Variants in SLC28A2 observed in about 807,000 individuals in gnomAD.
SLC28A2 encodes sodium/nucleoside cotransporter 2.
Under a neutral mutation model 72.9 loss-of-function variants are expected in SLC28A2, and 69 were observed. The ratio of observed to expected loss-of-function variants is 0.95; its 90% CI spans 0.78 to 1.16. The LOEUF is 1.16. Among genes scored for constraint, SLC28A2 ranks in the 50% most tolerant of loss-of-function variants. SLC28A2 has a pLI of 0.00. For synonymous variants in SLC28A2, 296 were observed against 294.1 expected (o/e 1.01, Z -0.07); for missense variants, 745 against 791.1 (o/e 0.94, Z 0.70).
chr15:45,264,817 A>T, intron 7 of SLC28A2, 49 bp downstream of exon 7: 1 of 1,169,384 alleles, frequency 8.6e-7, no homozygotes, highest in Admixed American at 1.7e-5. Context: ...ACCCTAGAGA[A>T]AGGAGATTTG....
At chr15:45,271,950 A>G in intron 15 of SLC28A2, 1 of 218,882 alleles carries the variant, frequency 4.6e-6, no homozygotes, top group Non-Finnish European at 9.0e-6. Flanking sequence ...TCCAGGCTTA[A>G]GAGTGCGTAT....
intron 7 of SLC28A2, 69 bp from the exon 8 acceptor site, chr15:45,265,020 G>A: frequency 3.2e-6 from 4 of 1,253,606 alleles, no homozygotes; most frequent in South Asian, 1.2e-5. Context: ...CATGGGGCTG[G>A]TCTCGTCTTC....
chr15:45,266,257 A>G, intron 10 of SLC28A2, 96 bp downstream of exon 10: 1 of 902,370 alleles, frequency 1.1e-6, no homozygotes, highest in East Asian at 2.4e-5. Context: ...AGTCAAATAA[A>G]TGAAGACTGT....
intron 7 of SLC28A2, 137 bp downstream of exon 7, chr15:45,264,905 T>C: frequency 9.6e-6 from 7 of 731,112 alleles, no homozygotes; most frequent in Non-Finnish European, 1.4e-5. Flanking sequence ...GAGAGTGTAC[T>C]AGGATACAGC....
chr15:45,264,269 C>T (rs1348306376), intron 6 of SLC28A2, among the ~76,000 whole-genome samples: 1 of 151,936 alleles, frequency 6.6e-6, no homozygotes, highest in Non-Finnish European at 1.5e-5. Context: ...TTTTGCGAAT[C>T]TAGGCCAGTG....
chr15:45,265,066 T>A (rs1567059488), intron 7 of SLC28A2, 23 bp from the exon 8 acceptor site: 1 of 1,571,000 alleles, frequency 6.4e-7, no homozygotes, highest in Non-Finnish European at 8.8e-7. Context: ...TTATTCTCTG[T>A]CTTTTTCTTT....
At chr15:45,274,573 G>A (rs118092385) in intron 17 of SLC28A2, among the ~76,000 whole-genome samples, 1 of 152,274 alleles carries the variant, frequency 6.6e-6, no homozygotes, top group East Asian at 1.9e-4. Flanking sequence ...AGATATTCAG[G>A]TGCTGGCTGC....
At chr15:45,263,792 GGAGT>G (rs1242092741) in intron 5 of SLC28A2, 85 bp from the exon 6 acceptor site, 1 of 1,347,214 alleles carries the variant, frequency 7.4e-7, no homozygotes, top group Non-Finnish European at 1.0e-6. Context: ...TCACAGGCCA[GGAGT>G]GAGAGAATAA....
Position 45,274,744 on chromosome 15 carries a change from CTT to C in SLC28A2, c.1860-651_1860-650del, listed in dbSNP as rs368652640. ...TCATTGCTCTGGCATCGTTTTGATT[CTT>C]CTTTTTTTTTTTTTTTGAGACACAG... is the stretch of plus-strand genomic sequence containing the variant. On this transcript the variant is annotated intron_variant, in intron 17 of 17. Coordinates refer to ENST00000347644, the MANE Select transcript of SLC28A2 (RefSeq NM_004212.4). 3.2e-3 allele frequency among the ~76,000 whole-genome samples: 467 copies of C among 144,634 alleles called. 1 individual carries two copies. The highest frequency in any genetic ancestry group is 0.012 in the African/African-American group (442 of 35,620). 94.9% of individuals were successfully genotyped at this position (144,634 alleles called of 152,430 possible).
In SLC28A2 at chr15:45,253,288, G is replaced by C. The variant is rs1899861054; in HGVS notation, c.73G>C (p.Glu25Gln). Residue 25 changes from glutamate to glutamine, a missense_variant, in exon 2 of 18, where the codon GAG becomes CAG. Coordinates refer to ENST00000347644, the MANE Select transcript of SLC28A2 (RefSeq NM_004212.4). ...GACTGGCACAGTGAACCCGGGGCTGGAGCTCATGGTAATCACCAGTTTAGT... is the reference window on the plus strand; with the variant it reads ...GACTGGCACAGTGAACCCGGGGCTGCAGCTCATGGTAATCACCAGTTTAGT... ...VETGTVNPGL[E>Q]LMEKEVEPEG... 4 of 1,612,286 alleles carry C rather than the reference G, an allele frequency of 2.5e-6. No individual in the cohort carries two copies. The highest frequency in any genetic ancestry group is 3.4e-6 in the Non-Finnish European group (4 of 1,178,358).
In SLC28A2 at chr15:45,277,517, T is replaced by C. The variant is rs1307253801; in HGVS notation, c.*2004T>C. 1 of 151,284 alleles carries C rather than the reference T, an allele frequency of 6.6e-6. No homozygotes were observed. Among genetic ancestry groups the C allele is most frequent in the Non-Finnish European group, 1.5e-5 (1 of 67,858 alleles). The allele number at this position is 151,284 out of a possible 1,614,324, so 9.4% of individuals were successfully genotyped here. A position where few individuals can be genotyped will look rare whatever the true frequency, so the allele number is the denominator to read the frequency against. Reference sequence around the variant, plus strand: ...AAAAAAGAAGTACTGATTTATGCTATGTAGAGGCACCCCGAAAACATGCTA... The same window carrying C: ...AAAAAAGAAGTACTGATTTATGCTACGTAGAGGCACCCCGAAAACATGCTA... On this transcript the variant is annotated 3_prime_UTR_variant, in exon 18 of 18. Coordinates refer to ENST00000347644, the MANE Select transcript of SLC28A2 (RefSeq NM_004212.4).
At chr15:45,265,197 G>C (rs755119348) in intron 8 of SLC28A2, 31 bp downstream of exon 8, 31 of 1,343,740 alleles carry the variant, frequency 2.3e-5, no homozygotes, top group Non-Finnish European at 3.3e-5. Flanking sequence ...AGGAATGATG[G>C]TCTATGGAGG....
rs1168139896 is a variant in SLC28A2, at chr15:45,275,671, C to T, written c.*158C>T. The T allele has an allele frequency of 4.7e-6, 3 of 638,602 alleles. No individual in the cohort carries two copies. Among genetic ancestry groups the T allele is most frequent in the African/African-American group, 3.7e-5 (2 of 54,782 alleles). 39.6% of individuals were successfully genotyped at this position (638,602 alleles called of 1,614,324 possible). A position where few individuals can be genotyped will look rare whatever the true frequency, so the allele number is the denominator to read the frequency against. On this transcript the variant is annotated 3_prime_UTR_variant, in exon 18 of 18. Coordinates refer to ENST00000347644, the MANE Select transcript of SLC28A2 (RefSeq NM_004212.4). ...TCATTTTGGGCCGGGCTCAGTGGCTCATGCCTGTAATCCCAGCACTTTGGG... is the reference window on the plus strand; with the variant it reads ...TCATTTTGGGCCGGGCTCAGTGGCTTATGCCTGTAATCCCAGCACTTTGGG...
At position 45,269,363 on chromosome 15, in the gene SLC28A2, C is replaced by T; in HGVS notation, c.1394C>T (p.Pro465Leu). The T allele has an allele frequency of 6.2e-7, 1 of 1,613,924 alleles. No individual in the cohort carries two copies. Among genetic ancestry groups the T allele is most frequent in the Non-Finnish European group, 8.5e-7 (1 of 1,179,944 alleles). Residue 465 changes from proline (P) to leucine (L), a missense_variant, in exon 14 of 18, where the codon CCC (proline) becomes CTC (leucine). Pro to Leu is a moderately conservative substitution (Grantham distance 98, BLOSUM62 -3). Transcript: ENST00000347644. ...GTCATCTGCTCCTATCTCCTAAGGC[C>T]CATGGTTTTCATGATGGGTGTAGAG... is the stretch of plus-strand genomic sequence containing the variant. Reference protein sequence around the residue: ...FQVICSYLLRPMVFMMGVEWT... With the variant: ...FQVICSYLLRLMVFMMGVEWT...
At chr15:45,254,354 T>G (rs1194033104) in intron 3 of SLC28A2, among the ~76,000 whole-genome samples, 2 of 152,200 alleles carry the variant, frequency 1.3e-5, no homozygotes, top group Non-Finnish European at 2.9e-5. Flanking sequence ...ACGGTGTATA[T>G]CATTACACAA....
intron 10 of SLC28A2, 55 bp downstream of exon 10, chr15:45,266,216 CACAAA>C (rs1251221952): frequency 1.2e-5 from 15 of 1,269,254 alleles, no homozygotes; most frequent in Non-Finnish European, 1.7e-5. Flanking sequence ...GAGAATTTGG[CACAAA>C]ACAAGAGTAT....
At chr15:45,270,327 T>C (rs1424767377) in intron 15 of SLC28A2, 51 bp downstream of exon 15, 1 of 1,245,668 alleles carries the variant, frequency 8.0e-7, no homozygotes, top group Admixed American at 1.7e-5. Context: ...AGATCCCAGC[T>C]TCTGTAGTGG....
At chr15:45,266,777 C>G (rs16941188) in intron 10 of SLC28A2, among the ~76,000 whole-genome samples, 9,675 of 152,196 alleles carry the variant, frequency 0.064, 1,026 homozygotes, top group African/African-American at 0.22. Context: ...CCATAGCACT[C>G]CACATTTTGC....
At chr15:45,270,803 T>TA (rs1307210921) in intron 15 of SLC28A2, among the ~76,000 whole-genome samples, 8 of 151,600 alleles carry the variant, frequency 5.3e-5, no homozygotes, top group African/African-American at 1.5e-4. Context: ...TTATTATTAT[T>TA]TTTTTTGTAT....
Sources: gnomAD v4.1 joint callset for allele counts (sites outside exome capture counted in the v4.1 genomes callset) on GRCh38, gnomAD v4.1.1 for gene constraint, MANE v1.5 for transcripts, NCBI Gene and HGNC (gene_info 2026-07-23, HGNC 2026-07-21) for gene names.